Variants in ROPN1L observed in about 807,000 individuals in gnomAD.
ROPN1L encodes the protein ropporin-1-like protein.
Under a neutral mutation model 22.7 loss-of-function variants are expected in ROPN1L, and 23 were observed. That is an observed-to-expected ratio of 1.01 (90% confidence interval 0.73 to 1.43). The LOEUF (loss-of-function observed/expected upper bound fraction) is 1.43, where lower values mean the gene tolerates loss of function less well. Among genes scored for constraint, ROPN1L ranks in the 40% most tolerant of loss-of-function variants. ROPN1L has a pLI of 0.00. For synonymous variants in ROPN1L, 116 were observed against 117.8 expected (o/e 0.98, Z 0.10); for missense variants, 271 against 291.5 (o/e 0.93, Z 0.51).
chr5:10,453,219 G>T (rs934040060), intron 3 of ROPN1L, among the ~76,000 whole-genome samples: 2 of 152,212 alleles, frequency 1.3e-5, no homozygotes, highest in Non-Finnish European at 2.9e-5. Context: ...CTCCCTCAGA[G>T]GAGCGTGTGC....
intron 3 of ROPN1L, among the ~76,000 whole-genome samples, chr5:10,453,501 A>T (rs529803926): frequency 6.6e-6 from 1 of 152,216 alleles, no homozygotes; most frequent in Admixed American, 6.5e-5. Context: ...TTTATGCTTT[A>T]AAAAAATACC....
intron 1 of ROPN1L, among the ~76,000 whole-genome samples, chr5:10,443,043 A>C (rs1740934994): frequency 6.6e-6 from 1 of 152,232 alleles, no homozygotes; most frequent in Non-Finnish European, 1.5e-5. Context: ...ATTTAATTTA[A>C]ATATTTTAGT....
chr5:10,448,135 G>A (rs1976360), intron 1 of ROPN1L, 125 bp from the exon 2 acceptor site: 1,000,232 of 1,044,704 alleles, frequency 0.96, 484,081 homozygotes, highest in East Asian at 1. Flanking sequence ...ACATAAGCCC[G>A]GGATGTTGGT....
chr5:10,465,487 C>T (rs1301828258), downstream of ROPN1L, among the ~76,000 whole-genome samples: 1 of 150,460 alleles, frequency 6.6e-6, no homozygotes, highest in East Asian at 2.0e-4. Context: ...TGCACTCCAG[C>T]CTGGGCGACA....
chr5:10,463,593 C>G lies in ROPN1L; in HGVS notation c.594-1255C>G, dbSNP rs142716178. On this transcript the variant is annotated intron_variant, in intron 4 of 4. Coordinates refer to ENST00000274134, the MANE Select transcript of ROPN1L (RefSeq NM_031916.5). The stretch of plus-strand genomic sequence containing the variant: ...ACTTCCCCTTGGGACCACTGCCCCC[C>G]AAGTGCTGGTTATGGTTTGTCCCTG... 1.7e-3 allele frequency among the ~76,000 whole-genome samples: 265 copies of G among 152,304 alleles called. 1 individual carries two copies. The highest frequency in any genetic ancestry group is 6.1e-3 in the African/African-American group (252 of 41,554).
chr5:10,467,919 G>A (rs781612155), downstream of ROPN1L, among the ~76,000 whole-genome samples: 12 of 152,206 alleles, frequency 7.9e-5, no homozygotes, highest in African/African-American at 1.2e-4. Flanking sequence ...ACTCCTTAGC[G>A]TGGACTCTGG....
At chr5:10,474,026 C>T (rs1318123566), downstream of ROPN1L, among the ~76,000 whole-genome samples, 1 of 152,074 alleles carries the variant, frequency 6.6e-6, no homozygotes, top group South Asian at 2.1e-4. Context: ...GTGGCGCACA[C>T]CTGTGGTCCC....
chr5:10,473,467 G>A (rs1048865692), downstream of ROPN1L, among the ~76,000 whole-genome samples: 3 of 152,188 alleles, frequency 2.0e-5, no homozygotes, highest in Non-Finnish European at 2.9e-5. Flanking sequence ...GAGGAAGCAA[G>A]GAAGGATTCC....
At position 10,464,962 on chromosome 5, in the gene ROPN1L, C is replaced by T. The variant is rs762148367; in HGVS notation, c.*15C>T. 17 of 1,444,776 alleles carry T rather than the reference C, an allele frequency of 1.2e-5. No individual in the cohort carries two copies. Among genetic ancestry groups the T allele is most frequent in the East Asian group, 2.3e-5 (1 of 43,532 alleles). 89.5% of individuals were successfully genotyped at this position (1,444,776 alleles called of 1,614,324 possible). ...TAGGCCATTAATACAGAGAAGAATA[C>T]ATTTTAATGTCAAAATAGTGCTCTT... On this transcript the variant is annotated 3_prime_UTR_variant, in exon 5 of 5. Transcript: ENST00000274134.
At chr5:10,468,156 G>A (rs893072963), downstream of ROPN1L, among the ~76,000 whole-genome samples, 1 of 152,226 alleles carries the variant, frequency 6.6e-6, no homozygotes, top group Non-Finnish European at 1.5e-5. Context: ...CCTGCCTCAC[G>A]GTTGACTGTC....
At chr5:10,461,020 A>T (rs1254612508) in intron 3 of ROPN1L, among the ~76,000 whole-genome samples, 164 bp from the exon 4 acceptor site, 2 of 152,160 alleles carry the variant, frequency 1.3e-5, no homozygotes, top group Non-Finnish European at 2.9e-5. Flanking sequence ...ATTTTTCATT[A>T]TGGCAATTGT....
At position 10,461,235 on chromosome 5, in the gene ROPN1L, G is replaced by T. The variant is rs1735019409; in HGVS notation, c.469G>T (p.Glu157Ter). Residue 157 changes from glutamate to a stop codon, truncating the protein, a stop_gained, in exon 4 of 5, where the codon GAG becomes TAG. Transcript: ENST00000274134. LOFTEE classifies it high-confidence loss of function. ...GTGCGAGATCCTCACGGACGATCCG[G>T]AGGGCGGGCCCGCTCGCATCCCCTT... The part of the protein sequence containing the change: ...HLCEILTDDP[E>*]GGPARIPFKT... The T allele has an allele frequency of 2.5e-6, 4 of 1,614,024 alleles. No individual in the cohort carries two copies. Among genetic ancestry groups the T allele is most frequent in the African/African-American group, 2.7e-5 (2 of 74,938 alleles).
intron 3 of ROPN1L, among the ~76,000 whole-genome samples, chr5:10,450,762 C>G (rs892787459): frequency 6.6e-6 from 1 of 152,148 alleles, no homozygotes; most frequent in Non-Finnish European, 1.5e-5. Flanking sequence ...CCTTGGCCTC[C>G]CAAAGTGTTG....
At chr5:10,453,684 G>A (rs764261694) in intron 3 of ROPN1L, among the ~76,000 whole-genome samples, 10 of 152,132 alleles carry the variant, frequency 6.6e-5, no homozygotes, top group Non-Finnish European at 1.0e-4. Flanking sequence ...CTTGTGGCAG[G>A]TGTACTCTCT....
intron 3 of ROPN1L, among the ~76,000 whole-genome samples, chr5:10,451,962 T>TCTATCTAG (rs1382786662): frequency 6.6e-6 from 1 of 151,838 alleles, no homozygotes; most frequent in Non-Finnish European, 1.5e-5. Context: ...TGTCTATCTA[T>TCTATCTAG]CTAATCTATC....
At chr5:10,453,884 C>T (rs187960804) in intron 3 of ROPN1L, among the ~76,000 whole-genome samples, 51 of 151,982 alleles carry the variant, frequency 3.4e-4, no homozygotes, top group East Asian at 3.1e-3. Context: ...GTGAACAAAA[C>T]GGGCAAACAT....
the ROPN1L span, among the ~76,000 whole-genome samples, chr5:10,480,288 T>TA: frequency 7.2e-5 from 11 of 152,330 alleles, no homozygotes; most frequent in South Asian, 2.1e-3. Context: ...TTAATGGCTG[T>TA]CATCTATGTG....
intron 1 of ROPN1L, among the ~76,000 whole-genome samples, chr5:10,446,536 G>A (rs1741070040): frequency 6.6e-6 from 1 of 152,034 alleles, no homozygotes; most frequent in Admixed American, 6.5e-5. Flanking sequence ...TGATGCACAT[G>A]TGTAATCCCA....
intron 3 of ROPN1L, among the ~76,000 whole-genome samples, chr5:10,453,353 G>A (rs1293603308): frequency 6.6e-6 from 1 of 152,122 alleles, no homozygotes; most frequent in African/African-American, 2.4e-5. Flanking sequence ...GGAGGTGCTC[G>A]GACCCTCCAG....
Sources: gnomAD v4.1 joint callset for allele counts (sites outside exome capture counted in the v4.1 genomes callset) on GRCh38, gnomAD v4.1.1 for gene constraint, MANE v1.5 for transcripts, NCBI Gene and HGNC (gene_info 2026-07-23, HGNC 2026-07-21) for gene names.